CSMD1: variants seen among roughly 807,000 people sequenced by gnomAD.
CSMD1 encodes CUB and sushi domain-containing protein 1.
In CSMD1, 213 loss-of-function variants were observed where a neutral mutation model predicts 417.5. The observed-to-expected ratio is 0.51, with a 90% CI of 0.46 to 0.57. The LOEUF is 0.57. CSMD1 is among the 20% of genes least tolerant of loss of function. CSMD1 has a pLI of 0.00. For missense variants in CSMD1, 6,923 were observed against 4,529.7 expected (o/e 1.53, Z -15.17); for synonymous variants, 2,862 against 1,736.8 (o/e 1.65, Z -16.11).
At chr8:4,736,701 A>T (rs1032417662) in intron 1 of CSMD1, among the ~76,000 whole-genome samples, 1 of 152,194 alleles carries the variant, frequency 6.6e-6, no homozygotes, top group African/African-American at 2.4e-5. Flanking sequence ...AAAAAGAATA[A>T]TTTAAGAAAA....
chr8:4,183,247 T>C (rs933460417), intron 3 of CSMD1, among the ~76,000 whole-genome samples: 2 of 152,150 alleles, frequency 1.3e-5, no homozygotes, highest in Non-Finnish European at 2.9e-5. Context: ...CTAAGAAAAT[T>C]TGCAGTAGAC....
rs565655696 is a variant in CSMD1, at chr8:4,426,374, G to C, written c.303-6309C>G. 8.7e-5 allele frequency among the ~76,000 whole-genome samples: 13 copies of C among 149,358 alleles called. No homozygotes were observed. The South Asian group carries it at 2.7e-3, about 31-fold the overall frequency. ...TTTGAAAATCCTTTTTATATATTTT[G>C]TATGTAGTATATATAGTAAACCTTT... On this transcript the variant is annotated intron_variant, in intron 2 of 69. Transcript: ENST00000635120.
chr8:3,091,378 C>T (rs1197863800), intron 48 of CSMD1, 138 bp downstream of exon 48: 2 of 555,208 alleles, frequency 3.6e-6, no homozygotes, highest in African/African-American at 2.0e-5. Context: ...AATTACCCAT[C>T]ATATATTTCT....
At chr8:3,069,068 G>C (rs1472743971) in intron 49 of CSMD1, among the ~76,000 whole-genome samples, 1 of 152,078 alleles carries the variant, frequency 6.6e-6, no homozygotes, top group Admixed American at 6.6e-5. Context: ...AAATAAGTTT[G>C]TAGCTTCCAA....
chr8:4,935,502 T>C lies in CSMD1; in HGVS notation c.85+58830A>G, dbSNP rs1313076168. Among the ~76,000 whole-genome samples the C allele has an allele frequency of 2.6e-5, 4 of 152,234 alleles. 1 individual carries two copies. The highest frequency in any genetic ancestry group is 2.0e-4 in the Admixed American group (3 of 15,284). On this transcript the variant is annotated intron_variant, in intron 1 of 69. Coordinates refer to ENST00000635120, the MANE Select transcript of CSMD1 (RefSeq NM_033225.6). The stretch of plus-strand genomic sequence containing the variant: ...CTTTCAGTGTGAATCCATTAAGCCA[T>C]GTGTTTCATGAATGAACGAATGAAT...
intron 2 of CSMD1, among the ~76,000 whole-genome samples, chr8:4,447,512 A>G (rs1383970787): frequency 2.6e-5 from 4 of 152,218 alleles, no homozygotes; most frequent in Admixed American, 6.5e-5. Context: ...TGTTCTTTGG[A>G]GAGGCTCTAA....
intron 3 of CSMD1, among the ~76,000 whole-genome samples, chr8:4,067,632 A>G (rs1372173279): frequency 1.3e-5 from 2 of 152,212 alleles, no homozygotes; most frequent in African/African-American, 4.8e-5. Context: ...GACCCTACAT[A>G]AACTGATTTC....
intron 2 of CSMD1, among the ~76,000 whole-genome samples, chr8:4,486,121 A>G (rs1801367159): frequency 1.5e-5 from 1 of 66,512 alleles, no homozygotes. Flanking sequence ...ATATATACAT[A>G]CATATATATA....
At chr8:4,968,085 G>C (rs1051030840) in intron 1 of CSMD1, among the ~76,000 whole-genome samples, 4 of 152,048 alleles carry the variant, frequency 2.6e-5, no homozygotes, top group Admixed American at 2.0e-4. Flanking sequence ...AATATAATTT[G>C]TTTCATGATG....
At chr8:4,427,727 GA>G (rs1462632837) in intron 2 of CSMD1, among the ~76,000 whole-genome samples, 4 of 151,928 alleles carry the variant, frequency 2.6e-5, no homozygotes, top group African/African-American at 9.7e-5. Context: ...TCACTAATTT[GA>G]AACTATTAAT....
chr8:3,866,720 C>T (rs1585112839), intron 5 of CSMD1, among the ~76,000 whole-genome samples: 1 of 152,026 alleles, frequency 6.6e-6, no homozygotes, highest in Admixed American at 6.6e-5. Context: ...TAGTCCTTGG[C>T]CACTACAAAG....
intron 5 of CSMD1, among the ~76,000 whole-genome samples, chr8:3,785,411 G>A (rs1244463943): frequency 1.3e-5 from 2 of 152,170 alleles, no homozygotes; most frequent in African/African-American, 2.4e-5. Flanking sequence ...CTGGTGAGAG[G>A]TCAGGCTAAG....
At chr8:4,647,195 C>T (rs2617041) in intron 1 of CSMD1, among the ~76,000 whole-genome samples, 1 of 151,648 alleles carries the variant, frequency 6.6e-6, no homozygotes. Context: ...CTGGGCCATA[C>T]GTAACTTCAG....
intron 12 of CSMD1, among the ~76,000 whole-genome samples, chr8:3,444,913 C>T (rs186020122): frequency 2.4e-4 from 37 of 152,252 alleles, no homozygotes; most frequent in Admixed American, 1.2e-3. Context: ...GGTCAGTGCA[C>T]GTCAGTCACC....
intron 3 of CSMD1, among the ~76,000 whole-genome samples, chr8:4,334,853 G>C (rs74411507): frequency 5.3e-5 from 8 of 152,090 alleles, no homozygotes; most frequent in Middle Eastern, 3.4e-3. Flanking sequence ...ATTTCTCATT[G>C]ATCTGGAGGC....
chr8:3,008,106 G>C (rs1445647833), intron 52 of CSMD1, among the ~76,000 whole-genome samples: 1 of 152,196 alleles, frequency 6.6e-6, no homozygotes, highest in East Asian at 1.9e-4. Context: ...GAGACTGGTA[G>C]CAAGATGGAT....
intron 3 of CSMD1, among the ~76,000 whole-genome samples, chr8:4,286,225 G>C (rs1797047831): frequency 1.3e-5 from 2 of 151,972 alleles, no homozygotes; most frequent in Admixed American, 1.3e-4. Flanking sequence ...ATTCCTTCTT[G>C]CCAAGCTCCA....
At chr8:3,734,216 G>C (rs966747500) in intron 6 of CSMD1, among the ~76,000 whole-genome samples, 8 of 152,112 alleles carry the variant, frequency 5.3e-5, no homozygotes, top group East Asian at 1.9e-4. Flanking sequence ...TGCATTTCAC[G>C]ATGAGAATGG....
intron 10 of CSMD1, among the ~76,000 whole-genome samples, chr8:3,515,666 C>G (rs1314164972): frequency 6.6e-6 from 1 of 152,196 alleles, no homozygotes; most frequent in Non-Finnish European, 1.5e-5. Flanking sequence ...AACAGACCAA[C>G]TTGGAACAAG....
Sources: gnomAD v4.1 joint callset for allele counts (sites outside exome capture counted in the v4.1 genomes callset) on GRCh38, gnomAD v4.1.1 for gene constraint, MANE v1.5 for transcripts, NCBI Gene and HGNC (gene_info 2026-07-23, HGNC 2026-07-21) for gene names.